CCDC7: variants seen among roughly 807,000 people sequenced by gnomAD.
CCDC7 encodes the protein coiled-coil domain containing 7.
CCDC7 carries 183 observed loss-of-function variants against 196.9 expected under a neutral mutation model. The observed-to-expected ratio is 0.93, with a 90% CI of 0.82 to 1.05. The LOEUF is 1.05. Ranked by LOEUF, CCDC7 falls within the 50% of genes least tolerant of loss-of-function variation. CCDC7 has a pLI of 0.00. For synonymous variants in CCDC7, 525 were observed against 484.6 expected (o/e 1.08, Z -1.10); for missense variants, 1,540 against 1,482.2 (o/e 1.04, Z -0.64).
intron 24 of CCDC7, among the ~76,000 whole-genome samples, chr10:32,704,847 C>G (rs2079418125): frequency 6.6e-6 from 1 of 152,146 alleles, no homozygotes; most frequent in South Asian, 2.1e-4. Flanking sequence ...GTGCCATTTG[C>G]TAAGACTGTT....
At chr10:32,695,945 G>C (rs966168202) in intron 24 of CCDC7, among the ~76,000 whole-genome samples, 1 of 151,886 alleles carries the variant, frequency 6.6e-6, no homozygotes, top group Non-Finnish European at 1.5e-5. Flanking sequence ...AATGCCTTAA[G>C]CAAAAGGCCA....
intron 29 of CCDC7, among the ~76,000 whole-genome samples, chr10:32,800,070 G>A (rs960943350): frequency 6.6e-5 from 10 of 152,158 alleles, no homozygotes; most frequent in Admixed American, 3.9e-4. Context: ...TGATACAGCA[G>A]CTGCAGTTGG....
At chr10:32,490,570 G>A (rs1239650171) in intron 8 of CCDC7, among the ~76,000 whole-genome samples, 1 of 152,154 alleles carries the variant, frequency 6.6e-6, no homozygotes, top group Admixed American at 6.5e-5. Context: ...GCCCAGACGG[G>A]CTGATCATGA....
intron 8 of CCDC7, among the ~76,000 whole-genome samples, chr10:32,481,957 G>C (rs1015550907): frequency 2.0e-5 from 3 of 152,044 alleles, no homozygotes; most frequent in Non-Finnish European, 2.9e-5. Flanking sequence ...ATTTTTGACA[G>C]TTTGGTTATA....
In CCDC7 at chr10:32,776,228, A is replaced by C. The variant is rs550435134; in HGVS notation, c.2906-2749A>C. ...GCGCACCAGCATGGCACATGTATAC[A>C]TATGTAACTAACCTGCACAATGTGC... is the stretch of plus-strand genomic sequence containing the variant. On this transcript the variant is annotated intron_variant, in intron 28 of 41. Transcript: ENST00000639629. 9.3e-3 allele frequency among the ~76,000 whole-genome samples: 1,413 copies of C among 151,130 alleles called. 21 individuals carry two copies. The highest frequency in any genetic ancestry group is 0.026 in the African/African-American group (1,085 of 41,168).
intron 31 of CCDC7, among the ~76,000 whole-genome samples, chr10:32,819,532 A>G (rs1385861943): frequency 6.6e-6 from 1 of 152,218 alleles, no homozygotes; most frequent in Non-Finnish European, 1.5e-5. Flanking sequence ...ATTTTAGACC[A>G]ATATCCCTCA....
intron 30 of CCDC7, among the ~76,000 whole-genome samples, chr10:32,810,635 T>C (rs1482134788): frequency 1.3e-5 from 2 of 152,108 alleles, no homozygotes; most frequent in African/African-American, 2.4e-5. Flanking sequence ...CGAAGAAACA[T>C]TGAGTTTAAA....
At chr10:32,476,341 G>C (rs1346366504) in intron 8 of CCDC7, among the ~76,000 whole-genome samples, 1 of 151,834 alleles carries the variant, frequency 6.6e-6, no homozygotes. Flanking sequence ...ACAATGTACA[G>C]TTAAAGTTCC....
At chr10:32,746,500 A>G (rs1194626129) in intron 28 of CCDC7, among the ~76,000 whole-genome samples, 2 of 152,130 alleles carry the variant, frequency 1.3e-5, no homozygotes, top group South Asian at 2.1e-4. Flanking sequence ...AAGGCTTGCC[A>G]TGCTTCTCTA....
intron 9 of CCDC7, among the ~76,000 whole-genome samples, chr10:32,500,712 T>A (rs910594397): frequency 5.3e-5 from 8 of 151,844 alleles, no homozygotes; most frequent in Non-Finnish European, 1.0e-4. Flanking sequence ...GAGGTGGAGG[T>A]TGTAGCCAGC....
intron 28 of CCDC7, among the ~76,000 whole-genome samples, chr10:32,732,330 G>T (rs570950494): frequency 1.3e-5 from 2 of 152,166 alleles, no homozygotes; most frequent in Admixed American, 6.5e-5. Flanking sequence ...TGACTTTAAA[G>T]TTCTCTCCTT....
chr10:32,626,481 G>A (rs868346040), intron 18 of CCDC7, among the ~76,000 whole-genome samples: 104 of 151,810 alleles, frequency 6.9e-4, no homozygotes, highest in African/African-American at 2.2e-3. Flanking sequence ...TGAATGTATG[G>A]CTTGTACATG....
At chr10:32,519,569 T>C (rs959354267) in intron 11 of CCDC7, among the ~76,000 whole-genome samples, 5 of 141,110 alleles carry the variant, frequency 3.5e-5, no homozygotes, top group African/African-American at 1.2e-4. Context: ...ACCCATTCTT[T>C]AAAACATTTA....
At chr10:32,729,989 TA>T (rs1445189428) in intron 28 of CCDC7, among the ~76,000 whole-genome samples, 2 of 152,206 alleles carry the variant, frequency 1.3e-5, no homozygotes, top group Non-Finnish European at 2.9e-5. Flanking sequence ...ATACTCTTTT[TA>T]AAATCAGCTT....
upstream of CCDC7, among the ~76,000 whole-genome samples, chr10:32,450,972 T>G (rs1015563814): frequency 1.3e-5 from 2 of 152,184 alleles, no homozygotes; most frequent in Admixed American, 1.3e-4. Flanking sequence ...TTAGGAATAT[T>G]TTCCTTTCTA....
intron 20 of CCDC7, among the ~76,000 whole-genome samples, chr10:32,648,759 G>A (rs1399315907): frequency 1.3e-5 from 2 of 152,138 alleles, no homozygotes; most frequent in African/African-American, 2.4e-5. Context: ...TTTCTCTAAC[G>A]ATCAGAGATA....
chr10:32,483,763 C>T (rs1273183027), intron 8 of CCDC7, among the ~76,000 whole-genome samples: 1 of 152,164 alleles, frequency 6.6e-6, no homozygotes, highest in African/African-American at 2.4e-5. Flanking sequence ...ATCCTTTCCC[C>T]ATTTCTTGTT....
rs554247655 is a variant in CCDC7 at position 32,485,747 on chromosome 10, A to G, written c.797-6175A>G. Reference sequence around the variant, plus strand: ...ACATCTTTATTCCTGCCTTCATTTCATTATTTACCCAGTAGTCATTCAGGA... The same window carrying G: ...ACATCTTTATTCCTGCCTTCATTTCGTTATTTACCCAGTAGTCATTCAGGA... On this transcript the variant is annotated intron_variant, in intron 8 of 41. Coordinates refer to ENST00000639629, the Ensembl canonical transcript of CCDC7. 5.9e-5 allele frequency among the ~76,000 whole-genome samples: 9 copies of G among 152,196 alleles called. No homozygotes were observed. The South Asian group carries it at 1.7e-3, about 28-fold the overall frequency.
At position 32,654,382 on chromosome 10, in the gene CCDC7, C is replaced by T. The variant is rs76567061; in HGVS notation, c.2015-9672C>T. 7.9e-3 allele frequency among the ~76,000 whole-genome samples: 1,207 copies of T among 152,048 alleles called. 8 individuals carry two copies. The highest frequency in any genetic ancestry group is 0.02 in the Middle Eastern group (6 of 294). ...TATTGGCTATTTTCTTGTTTCTGTG[C>T]GTGTCTGATAATTTTTTGTTTAAAT... On this transcript the variant is annotated intron_variant, in intron 20 of 41. Coordinates refer to ENST00000639629, the Ensembl canonical transcript of CCDC7.
Sources: allele counts gnomAD v4.1 joint callset (sites outside exome capture counted in the v4.1 genomes callset), GRCh38; gene constraint gnomAD v4.1.1; transcripts MANE v1.5; gene names NCBI Gene and HGNC (gene_info 2026-07-23, HGNC 2026-07-21).